ZFYVE16: variants seen among roughly 807,000 people sequenced by gnomAD.
The protein encoded by ZFYVE16 is zinc finger FYVE domain-containing protein 16.
A neutral mutation model predicts 138.1 loss-of-function variants in ZFYVE16; 89 were observed. That is an observed-to-expected ratio of 0.64 (90% CI 0.54 to 0.77). The LOEUF is 0.77. Ranked by LOEUF, ZFYVE16 falls within the 30% of genes least tolerant of loss-of-function variation. ZFYVE16 has a pLI of 0.00. For synonymous variants in ZFYVE16, 596 were observed against 618.3 expected, an observed-to-expected ratio of 0.96 and a Z score of 0.53; for missense variants, 1,793 against 1,786.7, an observed-to-expected ratio of 1.00 and a Z score of -0.06.
Position 80,480,216 on chromosome 5 carries a change from G to A in ZFYVE16, c.*2839G>A, listed in dbSNP as rs1322098675. On this transcript the variant is annotated 3_prime_UTR_variant, in exon 19 of 19. Coordinates refer to ENST00000505560, the MANE Select transcript of ZFYVE16 (RefSeq NM_001284236.3). Reference sequence around the variant, plus strand: ...TTCTTTGTTTAAGGAAATAAGGTGTGTGAATGTACTTGCAGGAAATGGGAA... The same window carrying A: ...TTCTTTGTTTAAGGAAATAAGGTGTATGAATGTACTTGCAGGAAATGGGAA... 6.6e-6 allele frequency among the ~76,000 whole-genome samples: 1 copy of A among 152,166 alleles called. No individual in the cohort carries two copies. Among genetic ancestry groups the A allele is most frequent in the South Asian group, 2.1e-4 (1 of 4,832 alleles).
At position 80,443,249 on chromosome 5, in the gene ZFYVE16, T is replaced by C; in HGVS notation, c.2546T>C (p.Leu849Ser). ...TCCAGTATACCTTCACCAGCAACTT[T>C]GCCAGTCTCAGCACTTAAACAACCA... ...QTSSIPSPAT[L>S]PVSALKQPGV... The change falls in exon 6 of 19, where the codon TTG becomes TCG. Residue 849 changes from leucine (L) to serine (S), a missense_variant. Transcript: ENST00000505560. 1 of 1,611,572 alleles carries C rather than the reference T, an allele frequency of 6.2e-7. No individual in the cohort carries two copies. The highest frequency in any genetic ancestry group is 8.5e-7 in the Non-Finnish European group (1 of 1,179,434).
chr5:80,436,031 A>G (rs969388803), intron 3 of ZFYVE16, among the ~76,000 whole-genome samples: 13 of 152,304 alleles, frequency 8.5e-5, no homozygotes, highest in Middle Eastern at 3.4e-3. Context: ...GCCTTCTGCC[A>G]TGATTGTAAG....
chr5:80,451,586 C>T lies in ZFYVE16; in HGVS notation c.3484C>T (p.Leu1162Phe), dbSNP rs771282274. The T allele has an allele frequency of 3.7e-6, 6 of 1,613,722 alleles. No homozygotes were observed. The highest frequency in any genetic ancestry group is 5.1e-6 in the Non-Finnish European group (6 of 1,179,898). ...FLFITPTFQK[L>F]DDLSLPSNPF... ...GTTTATTACACCTACTTTTCAGAAA[C>T]TTGATGATCTCTCATTACCAAGTAA... The change falls in exon 11 of 19, where the codon CTT becomes TTT. Residue 1162 changes from leucine to phenylalanine, a missense_variant. Leu to Phe is a conservative substitution (Grantham distance 22). Coordinates refer to ENST00000505560, the MANE Select transcript of ZFYVE16 (RefSeq NM_001284236.3).
rs1755246701 is a variant in ZFYVE16, at chr5:80,480,960, G to A, written c.*3583G>A. On this transcript the variant is annotated 3_prime_UTR_variant, in exon 19 of 19. Coordinates refer to ENST00000505560, the MANE Select transcript of ZFYVE16 (RefSeq NM_001284236.3). ...AAAACTGGAAATGCTAGCTGACAGAGAGAAAAATAGTCCAAGGAACAATTT... is the reference window on the plus strand; with the variant it reads ...AAAACTGGAAATGCTAGCTGACAGAAAGAAAAATAGTCCAAGGAACAATTT... 6.6e-6 allele frequency among the ~76,000 whole-genome samples: 1 copy of A among 152,162 alleles called. No individual in the cohort carries two copies. The highest frequency in any genetic ancestry group is 1.5e-5 in the Non-Finnish European group (1 of 68,030).
chr5:80,417,493 A>G (rs894472030), intron 1 of ZFYVE16, among the ~76,000 whole-genome samples: 5 of 150,910 alleles, frequency 3.3e-5, no homozygotes, highest in South Asian at 4.2e-4. Flanking sequence ...CACATATCCA[A>G]CTCTCCCCCA....
At chr5:80,434,262 T>C (rs1291213952) in intron 3 of ZFYVE16, 45 bp downstream of exon 3, 3 of 1,597,016 alleles carry the variant, frequency 1.9e-6, no homozygotes, top group Admixed American at 3.3e-5. Flanking sequence ...TTTAAAAATA[T>C]CTGTAATTAA....
At chr5:80,439,822 A>G in intron 4 of ZFYVE16, 114 bp from the exon 5 acceptor site, 1 of 629,624 alleles carries the variant, frequency 1.6e-6, no homozygotes, top group East Asian at 3.0e-5. Context: ...GAAATGATTT[A>G]TACAATAAGG....
At chr5:80,454,098 T>C (rs1053362731) in intron 11 of ZFYVE16, 1 of 152,252 alleles carries the variant, frequency 6.6e-6, no homozygotes, top group Non-Finnish European at 1.5e-5. Context: ...TTTTCAAATC[T>C]AGACCCTCTG....
chr5:80,473,667 C>A, intron 16 of ZFYVE16, 87 bp from the exon 17 acceptor site: 1 of 841,804 alleles, frequency 1.2e-6, no homozygotes, highest in Non-Finnish European at 1.8e-6. Flanking sequence ...TATATTTTTT[C>A]CCTCATTCCA....
chr5:80,474,835 G>A lies in ZFYVE16; in HGVS notation c.4461+5G>A. ...GTTTCCATTGACACTGATATGGTGA[G>A]GCATGTTTTTGTGATGTATTTTTGA... On this transcript the variant is annotated splice_donor_5th_base_variant and intron_variant, in intron 18 of 18. Transcript: ENST00000505560. 1 of 1,593,094 alleles carries A rather than the reference G, an allele frequency of 6.3e-7. No individual in the cohort carries two copies. Among genetic ancestry groups the A allele is most frequent in the Non-Finnish European group, 8.5e-7 (1 of 1,171,664 alleles).
intron 7 of ZFYVE16, among the ~76,000 whole-genome samples, chr5:80,446,386 G>A (rs1751356234): frequency 6.6e-6 from 1 of 151,822 alleles, no homozygotes; most frequent in South Asian, 2.1e-4. Flanking sequence ...TACAAAATAA[G>A]GCTATTACAT....
intron 1 of ZFYVE16, among the ~76,000 whole-genome samples, chr5:80,414,156 G>A (rs1453426838): frequency 1.3e-5 from 2 of 152,012 alleles, no homozygotes; most frequent in Non-Finnish European, 1.5e-5. Flanking sequence ...ATAAATAAAT[G>A]TTTTATATCT....
At chr5:80,459,218 G>A (rs1032675103) in intron 14 of ZFYVE16, among the ~76,000 whole-genome samples, 196 bp from the exon 15 acceptor site, 3 of 152,136 alleles carry the variant, frequency 2.0e-5, no homozygotes, top group Admixed American at 6.5e-5. Context: ...ATGAGCCACC[G>A]CGCCCAGCCG....
At chr5:80,417,944 T>G (rs894113487) in intron 1 of ZFYVE16, among the ~76,000 whole-genome samples, 12 of 152,342 alleles carry the variant, frequency 7.9e-5, no homozygotes, top group Middle Eastern at 3.4e-3. Context: ...CTGGCAATAA[T>G]AAGATTTTCT....
rs1272527318 is a variant in ZFYVE16 at position 80,478,342 on chromosome 5, C to T, written c.*965C>T. ...ATTTCTTGGCAACTTCGCATATTTT[C>T]ATTGACACCAGTGTATAAGTATAAA... On this transcript the variant is annotated 3_prime_UTR_variant, in exon 19 of 19. Coordinates refer to ENST00000505560, the MANE Select transcript of ZFYVE16 (RefSeq NM_001284236.3). 3 of 152,054 alleles carry T rather than the reference C, an allele frequency of 2.0e-5. No individual in the cohort carries two copies. The highest frequency in any genetic ancestry group is 4.4e-5 in the Non-Finnish European group (3 of 67,948). The allele number at this position is 152,054 out of a possible 1,614,324, so 9.4% of individuals were successfully genotyped here. A position where few individuals can be genotyped will look rare whatever the true frequency, so the allele number is the denominator to read the frequency against.
intron 1 of ZFYVE16, chr5:80,410,429 ATTACT>A (rs576033681): frequency 6.6e-6 from 1 of 152,224 alleles, no homozygotes; most frequent in South Asian, 2.1e-4. Flanking sequence ...TCTAATTCTC[ATTACT>A]TTGATAGTGC....
chr5:80,445,781 TG>T (rs1232670299), intron 7 of ZFYVE16, among the ~76,000 whole-genome samples: 1 of 151,430 alleles, frequency 6.6e-6, no homozygotes, highest in African/African-American at 2.4e-5. Flanking sequence ...TTTTTAGAGA[TG>T]TGGTCTCACT....
chr5:80,458,578 AT>A (rs1290655526), intron 14 of ZFYVE16, among the ~76,000 whole-genome samples: 1 of 152,158 alleles, frequency 6.6e-6, no homozygotes, highest in Non-Finnish European at 1.5e-5. Flanking sequence ...AGAACTTTAC[AT>A]TTTATATGTT....
intron 7 of ZFYVE16, among the ~76,000 whole-genome samples, chr5:80,447,754 C>T (rs1580267256): frequency 6.6e-6 from 1 of 152,162 alleles, no homozygotes; most frequent in Non-Finnish European, 1.5e-5. Context: ...CTTCTTGCCT[C>T]ATTTTTTCCA....
Sources: gnomAD v4.1 joint callset for allele counts (sites outside exome capture counted in the v4.1 genomes callset) on GRCh38, gnomAD v4.1.1 for gene constraint, MANE v1.5 for transcripts, NCBI Gene and HGNC (gene_info 2026-07-23, HGNC 2026-07-21) for gene names.